LCP1: variants seen among roughly 807,000 people sequenced by gnomAD.
LCP1 encodes the protein plastin-2.
Under a neutral mutation model 72.0 loss-of-function variants are expected in LCP1, and 23 were observed. That is an observed-to-expected ratio of 0.32 (90% CI 0.23 to 0.45). LCP1 has a LOEUF of 0.45. Ranked by LOEUF, LCP1 falls within the 20% of genes least tolerant of loss-of-function variation. The pLI is 1.00. For synonymous variants in LCP1, 245 were observed against 275.4 expected (o/e 0.89, Z 1.09); for missense variants, 571 against 748.3 (o/e 0.76, Z 2.76).
At position 46,151,075 on chromosome 13, in the gene LCP1, A is replaced by G; in HGVS notation, c.743T>C (p.Leu248Pro). The G allele has an allele frequency of 6.2e-7, 1 of 1,604,620 alleles. No homozygotes were observed. The highest frequency in any genetic ancestry group is 8.5e-7 in the Non-Finnish European group (1 of 1,177,570). Reference sequence around the variant, plus strand: ...CTCACCTTCTCTCAAAAGAGCAATCAGAGCTGAAGAAGCACAAAAACCACA... The same window carrying G: ...CTCACCTTCTCTCAAAAGAGCAATCGGAGCTGAAGAAGCACAAAAACCACA... ...ADIELSRNEA[L>P]IALLREGESL... Residue 248 changes from leucine (L) to proline (P), a missense_variant, in exon 8 of 16, where the codon CTG becomes CCG. Leu to Pro is a moderately conservative substitution (Grantham distance 98). Coordinates refer to ENST00000323076, the MANE Select transcript of LCP1 (RefSeq NM_002298.5).
chr13:46,180,614 C>T (rs542392597), intron 1 of LCP1, among the ~76,000 whole-genome samples: 1 of 152,340 alleles, frequency 6.6e-6, no homozygotes, highest in African/African-American at 2.4e-5. Context: ...GATTTTTCCC[C>T]TGATGTTCCT....
chr13:46,152,557 C>A (rs190733669), intron 7 of LCP1, among the ~76,000 whole-genome samples: 70 of 152,274 alleles, frequency 4.6e-4, no homozygotes, highest in African/African-American at 1.6e-3. Context: ...GCCCTATGCT[C>A]CAAACAAACA....
rs771299774 is a variant in LCP1 at position 46,157,147 on chromosome 13, C to T, written c.359-577G>A. ...AACTATCTCTCTGTTCCTATATATA[C>T]GCATAATCCAGATATATATTTACAT... On this transcript the variant is annotated intron_variant, in intron 4 of 15. Coordinates refer to ENST00000323076, the MANE Select transcript of LCP1 (RefSeq NM_002298.5). Among the ~76,000 whole-genome samples, 23 of 151,468 alleles carry T rather than the reference C, an allele frequency of 1.5e-4. No homozygotes were observed. The East Asian group carries it at 3.7e-3, about 24-fold the overall frequency.
chr13:46,141,872 A>G (rs1566436037), intron 13 of LCP1, among the ~76,000 whole-genome samples: 1 of 152,220 alleles, frequency 6.6e-6, no homozygotes, highest in Non-Finnish European at 1.5e-5. Context: ...TGTTATTTAC[A>G]CAGATCAATT....
intron 3 of LCP1, 67 bp from the exon 4 acceptor site, chr13:46,158,718 T>C (rs2045819118): frequency 6.2e-7 from 1 of 1,606,996 alleles, no homozygotes; most frequent in Non-Finnish European, 8.5e-7. Flanking sequence ...GGAAAGAATA[T>C]GTAATGTCGA....
At chr13:46,128,646 T>C (rs1008342028) in intron 15 of LCP1, among the ~76,000 whole-genome samples, 1 of 152,152 alleles carries the variant, frequency 6.6e-6, no homozygotes, top group Non-Finnish European at 1.5e-5. Flanking sequence ...TTATTCTTTG[T>C]TCCATTCCAA....
chr13:46,161,177 A>C (rs906091735), intron 1 of LCP1, among the ~76,000 whole-genome samples: 1 of 152,106 alleles, frequency 6.6e-6, no homozygotes, highest in African/African-American at 2.4e-5. Context: ...ATGTAAGCAA[A>C]CAAATAAAAA....
rs779555319 is a variant in LCP1 at position 46,148,434 on chromosome 13, T to A, written c.896A>T (p.Tyr299Phe). 2 of 1,609,614 alleles carry A rather than the reference T, an allele frequency of 1.2e-6. No homozygotes were observed. Among genetic ancestry groups the A allele is most frequent in the Non-Finnish European group, 1.7e-6 (2 of 1,178,012 alleles). Residue 299 changes from tyrosine to phenylalanine, a missense_variant, in exon 9 of 16, where the codon TAT (tyrosine) becomes TTT (phenylalanine). Transcript: ENST00000323076. ...AGCCACCTGCTCAAGCAGGTGGTAA[T>A]AAGCTTTTGAGTCCTGTGAGAAATT... ...FSTDIKDSKA[Y>F]YHLLEQVAPK... is the part of the protein sequence containing the mutation.
intron 8 of LCP1, among the ~76,000 whole-genome samples, chr13:46,149,125 A>G (rs1371387950): frequency 6.6e-6 from 1 of 152,248 alleles, no homozygotes; most frequent in East Asian, 1.9e-4. Context: ...ATATAAATTT[A>G]TTCTTAGTCA....
chr13:46,178,559 T>C (rs886663093), intron 1 of LCP1, among the ~76,000 whole-genome samples: 1 of 152,178 alleles, frequency 6.6e-6, no homozygotes, highest in Non-Finnish European at 1.5e-5. Context: ...AACACTTTTT[T>C]AAGGAGTGCG....
chr13:46,134,270 C>A lies in LCP1; in HGVS notation c.1503-20G>T. ...GTATACCTGAACAAAATAAAGAATGCTTTCTGGAGAACAGTTGCTAAAGAA... is the reference window on the plus strand; with the variant it reads ...GTATACCTGAACAAAATAAAGAATGATTTCTGGAGAACAGTTGCTAAAGAA... On this transcript the variant is annotated intron_variant, in intron 13 of 15. Coordinates refer to ENST00000323076, the MANE Select transcript of LCP1 (RefSeq NM_002298.5). 6.2e-7 allele frequency: 1 copy of A among 1,601,476 alleles called. No individual in the cohort carries two copies.
rs796816854 is a variant in LCP1 at position 46,159,893 on chromosome 13, C to T, written c.-24-207G>A. On this transcript the variant is annotated intron_variant, in intron 1 of 15. Coordinates refer to ENST00000323076, the MANE Select transcript of LCP1 (RefSeq NM_002298.5). ...CTCCAAAGATGGCTCTCAACAATTT[C>T]TTCCCTCTCGGTCTATACAGACTGC... is the stretch of plus-strand genomic sequence containing the variant. Among the ~76,000 whole-genome samples, 11 of 152,318 alleles carry T rather than the reference C, an allele frequency of 7.2e-5. 1 individual carries two copies. Among genetic ancestry groups the T allele is most frequent in the African/African-American group, 2.6e-4 (11 of 41,570 alleles).
At chr13:46,160,595 T>C (rs748866288) in intron 1 of LCP1, among the ~76,000 whole-genome samples, 18 of 152,344 alleles carry the variant, frequency 1.2e-4, no homozygotes, top group Non-Finnish European at 2.4e-4. Flanking sequence ...AGGTGTTTTC[T>C]TCTCAGAAAA....
chr13:46,145,380 A>G (rs1343953649), intron 10 of LCP1, among the ~76,000 whole-genome samples: 1 of 152,232 alleles, frequency 6.6e-6, no homozygotes, highest in Non-Finnish European at 1.5e-5. Context: ...ACATTCAAGC[A>G]TTTGATAAAT....
chr13:46,127,674 G>A lies in LCP1; in HGVS notation c.1801C>T (p.Pro601Ser). Residue 601 changes from proline to serine, a missense_variant, in exon 16 of 16, where the codon CCA becomes TCA. Coordinates refer to ENST00000323076, the MANE Select transcript of LCP1 (RefSeq NM_002298.5). ...RKIGARVYAL[P>S]EDLVEVNPKM... is the part of the protein sequence containing the mutation. The stretch of plus-strand genomic sequence containing the variant: ...GGGTTCACTTCAACCAGGTCTTCTG[G>A]CAGGGCATACACTCTTGCTCCAATT... The A allele has an allele frequency of 2.5e-6, 4 of 1,614,122 alleles. No individual in the cohort carries two copies. The highest frequency in any genetic ancestry group is 3.4e-6 in the Non-Finnish European group (4 of 1,180,020).
rs2045802603 is a variant in LCP1 at position 46,156,577 on chromosome 13, G to C, written c.359-7C>G. The C allele has an allele frequency of 6.2e-7, 1 of 1,613,944 alleles. No individual in the cohort carries two copies. The highest frequency in any genetic ancestry group is 1.1e-5 in the South Asian group (1 of 91,062). On this transcript the variant is annotated splice_region_variant and splice_polypyrimidine_tract_variant and intron_variant, in intron 4 of 15. Transcript: ENST00000323076. ...AAGGCATACTTTTCTTCCTCTGCAAGTAAATGATTAAAGTGACTCATTTGC... is the reference window on the plus strand; with the variant it reads ...AAGGCATACTTTTCTTCCTCTGCAACTAAATGATTAAAGTGACTCATTTGC...
In LCP1 at chr13:46,127,608, C is replaced by CTT; in HGVS notation, c.1865_1866dup (p.Gly623LysfsTer3). 6.2e-7 allele frequency: 1 copy of CTT among 1,614,206 alleles called. No individual in the cohort carries two copies. Among genetic ancestry groups the CTT allele is most frequent in the Non-Finnish European group, 8.5e-7 (1 of 1,180,032 alleles). On this transcript the variant is annotated frameshift_variant, in exon 16 of 16. Transcript: ENST00000323076. LOFTEE classifies it high-confidence loss of function. ...ATTGGGCCTCACACCCTCTTCATTC[C>CTT]TTTCCCCATGAGGCAGGCAAACACG...
chr13:46,177,894 T>C (rs1243576377), intron 1 of LCP1, among the ~76,000 whole-genome samples: 1 of 147,514 alleles, frequency 6.8e-6, no homozygotes, highest in African/African-American at 2.5e-5. Flanking sequence ...ATGATGATGA[T>C]GATGATATGA....
intron 1 of LCP1, among the ~76,000 whole-genome samples, chr13:46,160,525 G>A (rs1390352468): frequency 1.3e-5 from 2 of 152,266 alleles, no homozygotes; most frequent in East Asian, 1.9e-4. Context: ...ATTATTTAGG[G>A]ATGAACAAAG....
Sources: gnomAD v4.1 joint callset for allele counts (sites outside exome capture counted in the v4.1 genomes callset) on GRCh38, gnomAD v4.1.1 for gene constraint, MANE v1.5 for transcripts, NCBI Gene and HGNC (gene_info 2026-07-23, HGNC 2026-07-21) for gene names.